The following KRIT1 variants were observed in gnomAD, a reference collection of about 807,000 sequenced individuals.
KRIT1 encodes KRIT1 ankyrin repeat containing, also known as krev interaction trapped protein 1.
KRIT1 carries 45 observed loss-of-function variants against 95.8 expected under a neutral mutation model. The ratio of observed to expected loss-of-function variants is 0.47; its 90% CI spans 0.37 to 0.60. The LOEUF is 0.60. Ranked by LOEUF, KRIT1 falls within the 20% of genes least tolerant of loss-of-function variation. KRIT1 has a pLI of 0.00. For synonymous variants in KRIT1, 282 were observed against 278.8 expected (o/e 1.01, Z -0.11); for missense variants, 788 against 877.5 (o/e 0.90, Z 1.29).
chr7:92,209,565 T>C (rs922088220), intron 17 of KRIT1, among the ~76,000 whole-genome samples: 1 of 152,062 alleles, frequency 6.6e-6, no homozygotes, highest in African/African-American at 2.4e-5. Flanking sequence ...ACACCGATAA[T>C]GAACCAGCTG....
intron 14 of KRIT1, among the ~76,000 whole-genome samples, chr7:92,216,210 CAGAA>C (rs1160623631): frequency 1.6e-5 from 2 of 126,948 alleles, no homozygotes; most frequent in African/African-American, 6.0e-5. Context: ...GCCTGGGTGA[CAGAA>C]AGAGACTCCA....
intron 10 of KRIT1, among the ~76,000 whole-genome samples, chr7:92,227,807 T>C (rs1213232036): frequency 2.0e-5 from 3 of 151,298 alleles, no homozygotes; most frequent in African/African-American, 7.3e-5. Flanking sequence ...AGGTCAGGAG[T>C]TCGAGACCAG....
At chr7:92,238,094 G>T (rs1208100739) in intron 5 of KRIT1, among the ~76,000 whole-genome samples, 1 of 152,140 alleles carries the variant, frequency 6.6e-6, no homozygotes, top group Non-Finnish European at 1.5e-5. Flanking sequence ...CTAGAATAGA[G>T]ACAGTAAGAA....
At chr7:92,225,921 AG>A (rs1796120743) in intron 11 of KRIT1, 94 bp from the exon 12 acceptor site, 2 of 738,950 alleles carry the variant, frequency 2.7e-6, no homozygotes, top group Non-Finnish European at 4.9e-6. Context: ...TTCATAAAAA[AG>A]AGACTCTTGT....
Position 92,241,311 on chromosome 7 carries a change from G to C in KRIT1, c.103-159C>G, listed in dbSNP as rs1175651836. On this transcript the variant is annotated intron_variant, in intron 4 of 18. Coordinates refer to ENST00000394505, the MANE Select transcript of KRIT1 (RefSeq NM_194454.3). Reference sequence around the variant, plus strand: ...TGCCCAGCCCCATCCCACACAGATGGGAATGTCTGGGGCCTGGTTCTTACA... The same window carrying C: ...TGCCCAGCCCCATCCCACACAGATGCGAATGTCTGGGGCCTGGTTCTTACA... Among the ~76,000 whole-genome samples, 2 of 152,166 alleles carry C rather than the reference G, an allele frequency of 1.3e-5. 1 individual carries two copies. Among genetic ancestry groups the C allele is most frequent in the Admixed American group, 1.3e-4 (2 of 15,280 alleles).
chr7:92,206,729 C>T (rs1476852335), intron 17 of KRIT1: 4 of 151,774 alleles, frequency 2.6e-5, no homozygotes, highest in African/African-American at 7.3e-5. Flanking sequence ...AGATGCTCCC[C>T]CCAAATTTTG....
At chr7:92,213,046 G>C in intron 17 of KRIT1, 149 bp downstream of exon 17, 3 of 616,434 alleles carry the variant, frequency 4.9e-6, no homozygotes, top group Non-Finnish European at 8.7e-6. Context: ...CTTACTGACA[G>C]TGATTTAGTG....
chr7:92,199,401 A>C (rs17164414), downstream of KRIT1: 59 of 152,212 alleles, frequency 3.9e-4, no homozygotes, highest in African/African-American at 1.4e-3. Context: ...AAATATGACT[A>C]TATCTCTGAA....
At chr7:92,202,237 A>G (rs1171139982) in intron 17 of KRIT1, 1 of 152,160 alleles carries the variant, frequency 6.6e-6, no homozygotes, top group African/African-American at 2.4e-5. Flanking sequence ...CATCAGAGCT[A>G]TTTTTTTAAG....
chr7:92,214,541 T>C (rs1003018172), intron 15 of KRIT1, 70 bp downstream of exon 15: 9 of 1,172,398 alleles, frequency 7.7e-6, no homozygotes, highest in African/African-American at 4.6e-5. Context: ...TCTAATAACA[T>C]TTTTAAACTT....
At chr7:92,232,505 A>C (rs1213117734) in intron 10 of KRIT1, among the ~76,000 whole-genome samples, 1 of 148,656 alleles carries the variant, frequency 6.7e-6, no homozygotes, top group East Asian at 1.9e-4. Flanking sequence ...CCATTCTTTC[A>C]TTAGAGGGGG....
chr7:92,236,561 G>T lies in KRIT1; in HGVS notation c.356-19C>A, dbSNP rs754800816. ...GTATTATCTGAAAAAGAAAAATGAA[G>T]AATTATGCTACCATATAAAAGGTTT... On this transcript the variant is annotated intron_variant, in intron 6 of 18. Coordinates refer to ENST00000394505, the MANE Select transcript of KRIT1 (RefSeq NM_194454.3). 1 of 1,475,206 alleles carries T rather than the reference G, an allele frequency of 6.8e-7. No homozygotes were observed. The highest frequency in any genetic ancestry group is 1.7e-5 in the Admixed American group (1 of 59,736). 91.4% of individuals were successfully genotyped at this position (1,475,206 alleles called of 1,614,324 possible). A position where few individuals can be genotyped will look rare whatever the true frequency, so the allele number is the denominator to read the frequency against.
rs747380313 is a variant in KRIT1 at position 92,222,021 on chromosome 7, G to C, written c.1444C>G (p.Gln482Glu). The change falls in exon 14 of 19, where the codon CAA becomes GAA. Residue 482 changes from glutamine (Q) to glutamate (E), a missense_variant. Physicochemically the swap from Gln to Glu is conservative, Grantham distance 29. Around this residue, in one of 3 missense-constraint regions of KRIT1, gnomAD observed 493 missense variants for 582.3 expected, o/e 0.85. Transcript: ENST00000394505. ...ATTTCTGGCCAGTCACGAACATGTT[G>C]CAAGGGTTTATGATATGGTTTGAGT... ...LQLKPYHKPL[Q>E]HVRDWPEILA... 5 of 1,613,500 alleles carry C rather than the reference G, an allele frequency of 3.1e-6. No homozygotes were observed. Among genetic ancestry groups the C allele is most frequent in the Non-Finnish European group, 4.2e-6 (5 of 1,179,634 alleles).
intron 2 of KRIT1, among the ~76,000 whole-genome samples, chr7:92,244,409 A>C (rs1368456237): frequency 6.6e-6 from 1 of 152,256 alleles, no homozygotes; most frequent in Non-Finnish European, 1.5e-5. Context: ...TGAACTTTTA[A>C]AAGGTAAACA....
intron 12 of KRIT1, among the ~76,000 whole-genome samples, chr7:92,223,401 C>T (rs936880739): frequency 9.6e-5 from 14 of 146,070 alleles, no homozygotes; most frequent in South Asian, 2.2e-4. Flanking sequence ...TGAGATTGCG[C>T]GACTGCACTC....
intron 14 of KRIT1, among the ~76,000 whole-genome samples, chr7:92,217,799 AC>A (rs1794298728): frequency 6.6e-6 from 1 of 152,222 alleles, no homozygotes; most frequent in African/African-American, 2.4e-5. Flanking sequence ...GCTGGATCAT[AC>A]AGTAATTCTA....
chr7:92,224,068 G>C (rs979977236), intron 12 of KRIT1, among the ~76,000 whole-genome samples: 2 of 152,150 alleles, frequency 1.3e-5, no homozygotes, highest in African/African-American at 4.8e-5. Flanking sequence ...CTTGGAGTAA[G>C]TGTTTTGACA....
intron 6 of KRIT1, 107 bp downstream of exon 6, chr7:92,237,560 T>C (rs1798680679): frequency 4.0e-6 from 2 of 502,054 alleles, no homozygotes; most frequent in Middle Eastern, 5.3e-4. Flanking sequence ...ATATGTATTT[T>C]ATAATATTAT....
At chr7:92,228,837 G>A (rs950065482) in intron 10 of KRIT1, among the ~76,000 whole-genome samples, 5 of 152,154 alleles carry the variant, frequency 3.3e-5, no homozygotes, top group East Asian at 3.9e-4. Context: ...GTGGGAACAC[G>A]TGGCATTTTC....
Sources: gnomAD v4.1 joint callset for allele counts (sites outside exome capture counted in the v4.1 genomes callset) on GRCh38, gnomAD v4.1.1 for gene constraint, gnomAD v4.1.1 regional missense constraint, MANE v1.5 for transcripts, NCBI Gene and HGNC (gene_info 2026-07-23, HGNC 2026-07-21) for gene names.